Variants in FAM227A observed in about 807,000 individuals in gnomAD.
FAM227A encodes protein FAM227A.
In FAM227A, 80 loss-of-function variants were observed where a neutral mutation model predicts 74.7. That is an observed-to-expected ratio of 1.07 (90% CI 0.89 to 1.29). The LOEUF is 1.29. FAM227A is among the 50% of genes most tolerant of loss of function. The probability of loss-of-function intolerance (pLI) is 0.00; values close to 1 mark genes in which losing one functional copy is unlikely to be tolerated. For synonymous variants in FAM227A, 237 were observed against 241.8 expected (o/e 0.98, Z 0.19); for missense variants, 654 against 683.4 (o/e 0.96, Z 0.48).
Position 38,623,237 on chromosome 22 carries a change from G to T in FAM227A, c.893C>A (p.Ser298Ter). The T allele has an allele frequency of 3.9e-6, 6 of 1,551,500 alleles. No homozygotes were observed. Among genetic ancestry groups the T allele is most frequent in the Non-Finnish European group, 5.2e-6 (6 of 1,146,900 alleles). ...SPQSYDSWDY[S>*]ELDPERFRRE... ...GCGGAATCGCTCTGGGTCTAGTTCC[G>T]AGTAGTCCCAGCTGTCATAGCTCTG... The change falls in exon 10 of 17, where the codon TCG becomes TAG. Residue 298 changes from serine (S) to a stop codon, truncating the protein, a stop_gained. Coordinates refer to ENST00000535113, the MANE Select transcript of FAM227A (RefSeq NM_001013647.2). LOFTEE classifies it high-confidence loss of function.
chr22:38,644,145 C>CAAAAAAA (rs950184744), intron 3 of FAM227A, among the ~76,000 whole-genome samples: 5 of 43,600 alleles, frequency 1.1e-4, no homozygotes, highest in South Asian at 1.1e-3. Flanking sequence ...GACTCCATCT[C>CAAAAAAA]AAAAAAAAAA....
intron 12 of FAM227A, among the ~76,000 whole-genome samples, chr22:38,605,625 T>TA (rs2091267693): frequency 6.6e-6 from 1 of 152,232 alleles, no homozygotes; most frequent in African/African-American, 2.4e-5. Context: ...TAGCCTTAAA[T>TA]AAATGCTCAT....
intron 5 of FAM227A, among the ~76,000 whole-genome samples, chr22:38,637,424 G>A (rs1179273742): frequency 1.3e-5 from 2 of 152,006 alleles, no homozygotes; most frequent in Non-Finnish European, 2.9e-5. Flanking sequence ...CTATCTTTGT[G>A]GTTAATATAT....
chr22:38,626,541 G>A (rs922943462), intron 8 of FAM227A, among the ~76,000 whole-genome samples: 2 of 151,634 alleles, frequency 1.3e-5, no homozygotes, highest in Non-Finnish European at 2.9e-5. Flanking sequence ...CACTGCACTT[G>A]GCTATACTCT....
chr22:38,623,135 T>A, intron 10 of FAM227A, 37 bp downstream of exon 10: 1 of 1,391,476 alleles, frequency 7.2e-7, no homozygotes. Context: ...AGTATGGCAG[T>A]GGCAAAGAAG....
chr22:38,654,995 C>T (rs1326067782), intron 1 of FAM227A, among the ~76,000 whole-genome samples: 1 of 149,648 alleles, frequency 6.7e-6, no homozygotes, highest in African/African-American at 2.5e-5. Flanking sequence ...AAAAAATTAG[C>T]CTGGCATGGT....
At chr22:38,628,380 C>T (rs1032412957) in intron 7 of FAM227A, 38 bp from the exon 8 acceptor site, 2 of 1,342,706 alleles carry the variant, frequency 1.5e-6, no homozygotes, top group East Asian at 5.0e-5. Context: ...TTACTAAAGT[C>T]CCTTGCTGAA....
chr22:38,644,253 T>C (rs1465066237), intron 3 of FAM227A, among the ~76,000 whole-genome samples: 1 of 151,230 alleles, frequency 6.6e-6, no homozygotes. Context: ...CTATATGGCA[T>C]TATGGGAAAG....
intron 1 of FAM227A, among the ~76,000 whole-genome samples, chr22:38,652,794 G>A (rs2092341979): frequency 1.3e-5 from 2 of 148,990 alleles, no homozygotes; most frequent in Admixed American, 1.4e-4. Flanking sequence ...GGAGAATGGC[G>A]TGAACCTGGG....
In FAM227A at chr22:38,648,778, GC is replaced by G. The variant is rs540978993; in HGVS notation, c.142+1248del. On this transcript the variant is annotated intron_variant, in intron 2 of 16. Coordinates refer to ENST00000535113, the MANE Select transcript of FAM227A (RefSeq NM_001013647.2). ...ACCTGAGGTCAGGAGGTCGAGACCA[GC>G]CTGACAAACATGGTGAAACCCCGTC... Among the ~76,000 whole-genome samples the G allele has an allele frequency of 4.0e-5, 6 of 151,618 alleles. No individual in the cohort carries two copies. In the South Asian group the frequency reaches 1.3e-3, roughly 32 times the overall value.
intron 11 of FAM227A, among the ~76,000 whole-genome samples, chr22:38,617,294 T>C (rs1286968401): frequency 2.7e-4 from 18 of 65,796 alleles, no homozygotes; most frequent in African/African-American, 1.2e-3. Context: ...AGAACAGACT[T>C]TTTTTTTTTT....
intron 6 of FAM227A, among the ~76,000 whole-genome samples, chr22:38,631,736 C>T (rs1030071282): frequency 1.7e-4 from 26 of 152,058 alleles, no homozygotes; most frequent in Admixed American, 9.2e-4. Flanking sequence ...GGTGCCGGGA[C>T]TGGGAGCGGT....
At chr22:38,613,353 TAATA>T (rs1351897421) in intron 11 of FAM227A, among the ~76,000 whole-genome samples, 3 of 74,990 alleles carry the variant, frequency 4.0e-5, no homozygotes, top group South Asian at 3.3e-4. Flanking sequence ...ATATATTATA[TAATA>T]TATATCATAT....
At position 38,616,714 on chromosome 22, in the gene FAM227A, T is replaced by G. The variant is rs185114104; in HGVS notation, c.1038+3498A>C. Among the ~76,000 whole-genome samples the G allele has an allele frequency of 1.3e-3, 188 of 147,630 alleles. 4 individuals are homozygous for G. The highest frequency in any genetic ancestry group is 0.012 in the Admixed American group (181 of 14,796). ...TTCTGGAGTGAAAGGGAGCAAAAGA[T>G]GGGGATGTGGAGTCAAGATAAGAGA... On this transcript the variant is annotated intron_variant, in intron 11 of 16. Transcript: ENST00000535113.
intron 11 of FAM227A, among the ~76,000 whole-genome samples, chr22:38,610,192 ATTTT>A (rs113735937): frequency 2.7e-5 from 4 of 149,076 alleles, no homozygotes; most frequent in Non-Finnish European, 6.0e-5. Context: ...TTAAAAAAAA[ATTTT>A]TTTTTTGGTA....
intron 7 of FAM227A, 126 bp downstream of exon 7, chr22:38,628,708 G>A: frequency 2.9e-6 from 2 of 690,626 alleles, no homozygotes; most frequent in Non-Finnish European, 5.2e-6. Context: ...GGGACTGGGT[G>A]ACAGGGGAGG....
chr22:38,639,704 C>A lies in FAM227A; in HGVS notation c.246G>T (p.Leu82Phe), dbSNP rs563222768. 1 of 1,551,620 alleles carries A rather than the reference C, an allele frequency of 6.4e-7. No homozygotes were observed. Among genetic ancestry groups the A allele is most frequent in the Non-Finnish European group, 8.7e-7 (1 of 1,146,796 alleles). The change falls in exon 4 of 17, where the codon TTG (leucine) becomes TTT (phenylalanine). Residue 82 changes from leucine (L) to phenylalanine (F), a missense_variant. Leu to Phe is a conservative substitution (Grantham distance 22, BLOSUM62 0). Transcript: ENST00000535113. ...TTTTCTCTCTTAAAGCCTTCTTCTC[C>A]AACTCAAATCTCTCAATTGCCTTCA... is the stretch of plus-strand genomic sequence containing the variant. ...ANSLAIERFE[L>F]EKKALREKTR...
Position 38,605,856 on chromosome 22 carries a change from C to T in FAM227A, c.1127-508G>A, listed in dbSNP as rs139196297. On this transcript the variant is annotated intron_variant, in intron 12 of 16. Coordinates refer to ENST00000535113, the MANE Select transcript of FAM227A (RefSeq NM_001013647.2). Reference sequence around the variant, plus strand: ...TTAAAAGTTTTACTGGGACATAATTCGCATACTAACTTCTCTGAGCCTCCA... The same window carrying T: ...TTAAAAGTTTTACTGGGACATAATTTGCATACTAACTTCTCTGAGCCTCCA... 3.5e-4 allele frequency among the ~76,000 whole-genome samples: 53 copies of T among 152,152 alleles called. 1 individual carries two copies. Among genetic ancestry groups the T allele is most frequent in the Admixed American group, 2.2e-3 (33 of 15,282 alleles).
intron 16 of FAM227A, among the ~76,000 whole-genome samples, chr22:38,589,604 A>C (rs1301907326): frequency 6.6e-6 from 1 of 152,166 alleles, no homozygotes; most frequent in Non-Finnish European, 1.5e-5. Flanking sequence ...AAGGTATATC[A>C]TTGTGAAACT....
Sources: gnomAD v4.1 joint callset for allele counts (sites outside exome capture counted in the v4.1 genomes callset) on GRCh38, gnomAD v4.1.1 for gene constraint, MANE v1.5 for transcripts, NCBI Gene and HGNC (gene_info 2026-07-23, HGNC 2026-07-21) for gene names.